BCKDHB: variants seen among roughly 807,000 people sequenced by gnomAD.
BCKDHB encodes 2-oxoisovalerate dehydrogenase subunit beta, mitochondrial.
BCKDHB carries 41 observed loss-of-function variants against 48.5 expected under a neutral mutation model. The observed-to-expected ratio is 0.85, with a 90% CI of 0.66 to 1.10. The LOEUF is 1.10. Ranked by LOEUF, BCKDHB falls within the 50% of genes least tolerant of loss-of-function variation. The pLI is 0.00. For synonymous variants in BCKDHB, 201 were observed against 174.8 expected, an observed-to-expected ratio of 1.15 and a Z score of -1.18; for missense variants, 496 against 494.2, an observed-to-expected ratio of 1.00 and a Z score of -0.03.
chr6:80,146,058 A>G lies in BCKDHB; in HGVS notation c.343+16829A>G, dbSNP rs574135510. Reference sequence around the variant, plus strand: ...GTTTGCTTCACAGCACTGCTTCCCTACCTTGCCCATATGCTGCAATACTGA... The same window carrying G: ...GTTTGCTTCACAGCACTGCTTCCCTGCCTTGCCCATATGCTGCAATACTGA... On this transcript the variant is annotated intron_variant, in intron 3 of 9. Transcript: ENST00000320393. 5.3e-5 allele frequency among the ~76,000 whole-genome samples: 8 copies of G among 152,190 alleles called. No homozygotes were observed. In the East Asian group the frequency reaches 1.2e-3, roughly 22 times the overall value.
intron 8 of BCKDHB, among the ~76,000 whole-genome samples, chr6:80,265,356 G>T (rs925212061): frequency 4.6e-5 from 7 of 152,020 alleles, no homozygotes; most frequent in African/African-American, 1.7e-4. Flanking sequence ...TACATACAGT[G>T]GGATATTACT....
intron 3 of BCKDHB, among the ~76,000 whole-genome samples, chr6:80,147,788 C>T (rs1016981148): frequency 7.2e-5 from 11 of 152,112 alleles, no homozygotes; most frequent in African/African-American, 2.4e-4. Flanking sequence ...GCAGCTGCTG[C>T]AGGTCTGAGA....
At chr6:80,321,154 C>T (rs1034575774) in intron 9 of BCKDHB, among the ~76,000 whole-genome samples, 3 of 152,148 alleles carry the variant, frequency 2.0e-5, no homozygotes, top group African/African-American at 7.2e-5. Flanking sequence ...CAGCTGTTGT[C>T]ACTCTTGGGA....
intron 3 of BCKDHB, among the ~76,000 whole-genome samples, chr6:80,130,352 A>T (rs1375147167): frequency 1.3e-5 from 2 of 152,066 alleles, no homozygotes; most frequent in African/African-American, 4.8e-5. Context: ...GAGGGTCTTT[A>T]AAATTTTTTT....
At chr6:80,157,665 G>A (rs1457634102) in intron 3 of BCKDHB, among the ~76,000 whole-genome samples, 4 of 150,092 alleles carry the variant, frequency 2.7e-5, no homozygotes, top group Admixed American at 1.3e-4. Flanking sequence ...TTTAAATAGA[G>A]ACAGGGTTTC....
the BCKDHB span, among the ~76,000 whole-genome samples, chr6:80,380,266 C>T: frequency 6.6e-6 from 1 of 151,648 alleles, no homozygotes; most frequent in Non-Finnish European, 1.5e-5. Flanking sequence ...AAACAGAGAA[C>T]CGAAAAATAA....
At chr6:80,231,221 T>C (rs760055588) in intron 8 of BCKDHB, among the ~76,000 whole-genome samples, 2 of 152,132 alleles carry the variant, frequency 1.3e-5, no homozygotes, top group Non-Finnish European at 1.5e-5. Context: ...ATGCTTTAAA[T>C]ATAAAAACCA....
At chr6:80,293,472 C>T (rs1264344763) in intron 9 of BCKDHB, among the ~76,000 whole-genome samples, 3 of 152,218 alleles carry the variant, frequency 2.0e-5, no homozygotes, top group Non-Finnish European at 4.4e-5. Context: ...AGTCCCTAGA[C>T]TGCACACAGC....
At chr6:80,239,684 A>G (rs894207553) in intron 8 of BCKDHB, among the ~76,000 whole-genome samples, 1 of 152,204 alleles carries the variant, frequency 6.6e-6, no homozygotes, top group East Asian at 1.9e-4. Flanking sequence ...GCCCATGCCT[A>G]CGTCCTGAAT....
intron 8 of BCKDHB, among the ~76,000 whole-genome samples, chr6:80,268,070 C>T (rs560485910): frequency 6.6e-6 from 1 of 152,084 alleles, no homozygotes; most frequent in South Asian, 2.1e-4. Context: ...ATTTCTCCAG[C>T]GGAATACTAG....
At position 80,343,715 on chromosome 6, in the gene BCKDHB, G is replaced by C; in HGVS notation, c.1090G>C (p.Asp364His). 1 of 1,613,954 alleles carries C rather than the reference G, an allele frequency of 6.2e-7. No homozygotes were observed. The highest frequency in any genetic ancestry group is 1.7e-5 in the Admixed American group (1 of 60,010). Residue 364 changes from aspartate to histidine, a missense_variant, in exon 10 of 10, where the codon GAC becomes CAC. Asp to His is a moderately conservative substitution (Grantham distance 81). Coordinates refer to ENST00000320393, the MANE Select transcript of BCKDHB (RefSeq NM_183050.4). ...EAPISRVCGY[D>H]TPFPHIFEPF... is the part of the protein sequence containing the mutation. ...TCCTATATCAAGAGTATGTGGTTAT[G>C]ACACACCATTTCCTCACATTTTTGA...
chr6:80,273,295 T>C lies in BCKDHB; in HGVS notation c.1038+74T>C, dbSNP rs960268058. ...CCAATTCCAGAAGAAAATAAATTAC[T>C]TATCACAATATGTGAAAGCATACAC... On this transcript the variant is annotated intron_variant, in intron 9 of 9. Coordinates refer to ENST00000320393, the MANE Select transcript of BCKDHB (RefSeq NM_183050.4). The C allele has an allele frequency of 1.6e-5, 20 of 1,237,458 alleles. No individual in the cohort carries two copies. In the African/African-American group the frequency reaches 2.4e-4, roughly 15 times the overall value. 76.7% of individuals were successfully genotyped at this position (1,237,458 alleles called of 1,614,324 possible). A position where few individuals can be genotyped will look rare whatever the true frequency, so the allele number is the denominator to read the frequency against.
At chr6:80,447,969 G>A in the BCKDHB span, among the ~76,000 whole-genome samples, 2 of 151,660 alleles carry the variant, frequency 1.3e-5, no homozygotes, top group East Asian at 1.9e-4. Context: ...GGTAATAGAT[G>A]GATAGTAAAA....
intron 6 of BCKDHB, among the ~76,000 whole-genome samples, chr6:80,196,295 T>G (rs1774125441): frequency 6.6e-6 from 1 of 152,200 alleles, no homozygotes; most frequent in Non-Finnish European, 1.5e-5. Flanking sequence ...GGTTTCACGC[T>G]TGTGTATACC....
chr6:80,117,080 G>C (rs979458549), intron 1 of BCKDHB, among the ~76,000 whole-genome samples: 1 of 151,988 alleles, frequency 6.6e-6, no homozygotes, highest in Non-Finnish European at 1.5e-5. Context: ...CTTTAAAAAA[G>C]AAATGAAAAG....
chr6:80,120,460 C>T (rs1421465064), intron 1 of BCKDHB, among the ~76,000 whole-genome samples: 1 of 151,984 alleles, frequency 6.6e-6, no homozygotes, highest in Non-Finnish European at 1.5e-5. Context: ...ATGGTTGAAC[C>T]AATTTACACT....
chr6:80,353,465 T>G, the BCKDHB span, among the ~76,000 whole-genome samples: 1 of 152,218 alleles, frequency 6.6e-6, no homozygotes. Flanking sequence ...CATGTTTTCC[T>G]TAGAGACTGT....
intron 8 of BCKDHB, among the ~76,000 whole-genome samples, chr6:80,240,141 A>G (rs192938182): frequency 6.6e-6 from 1 of 152,284 alleles, no homozygotes; most frequent in African/African-American, 2.4e-5. Context: ...TGCTGTGAAG[A>G]AAGTCATTGT....
At chr6:80,391,383 C>T in the BCKDHB span, among the ~76,000 whole-genome samples, 2 of 151,962 alleles carry the variant, frequency 1.3e-5, no homozygotes, top group East Asian at 3.9e-4. Flanking sequence ...CGAGACAAAC[C>T]CTAAATGCAG....
Sources: gnomAD v4.1 joint callset for allele counts (sites outside exome capture counted in the v4.1 genomes callset) on GRCh38, gnomAD v4.1.1 for gene constraint, MANE v1.5 for transcripts, NCBI Gene and HGNC (gene_info 2026-07-23, HGNC 2026-07-21) for gene names.